Variants in ADARB2 observed in about 807,000 individuals in gnomAD.
ADARB2 encodes the protein adenosine deaminase RNA specific B2 (inactive), also known as inactive double-stranded RNA-specific editase B2.
Under a neutral mutation model 62.2 loss-of-function variants are expected in ADARB2, and 25 were observed. The observed-to-expected ratio is 0.40, with a 90% CI of 0.29 to 0.56. The LOEUF is 0.56. ADARB2 is among the 20% of genes least tolerant of loss of function. ADARB2 has a pLI of 0.43. For missense variants in ADARB2, 1,071 were observed against 1,077.4 expected (o/e 0.99, Z 0.08); for synonymous variants, 572 against 500.8 (o/e 1.14, Z -1.90).
chr10:1,385,665 C>CTTATGTATAATTGGAA (rs1180177002), intron 1 of ADARB2, among the ~76,000 whole-genome samples: 1 of 152,000 alleles, frequency 6.6e-6, no homozygotes, highest in African/African-American at 2.4e-5. Flanking sequence ...AGCAGTCTAA[C>CTTATGTATAATTGGAA]TTATGTATAA....
intron 1 of ADARB2, among the ~76,000 whole-genome samples, chr10:1,514,178 A>ATAT (rs1831976214): frequency 1.1e-5 from 1 of 94,158 alleles, no homozygotes; most frequent in South Asian, 3.9e-4. Context: ...GCTGTCTCAA[A>ATAT]ATATATATAT....
chr10:1,418,363 G>A (rs539712028), intron 1 of ADARB2, among the ~76,000 whole-genome samples: 2 of 152,278 alleles, frequency 1.3e-5, no homozygotes, highest in South Asian at 4.2e-4. Context: ...GCTCTGTCCC[G>A]GGCAGTCCCA....
intron 1 of ADARB2, among the ~76,000 whole-genome samples, chr10:1,415,205 TG>T (rs1214633180): frequency 6.6e-6 from 1 of 150,508 alleles, no homozygotes; most frequent in Non-Finnish European, 1.5e-5. Context: ...AGATGGTGGA[TG>T]GATGGGTGGA....
intron 8 of ADARB2, chr10:1,187,856 G>T (rs1429440405): frequency 2.3e-6 from 1 of 438,822 alleles, no homozygotes; most frequent in South Asian, 1.6e-5. Context: ...ACCAGGGTGT[G>T]GTCCCATGTG....
rs368917605 is a variant in ADARB2 at position 1,229,792 on chromosome 10, TTA to T, written c.1513+3900_1513+3901del. ...CATATGTGCTTCTGTGTACATGTGTTTATGTGTGTGCGTGTACATGTACTTAT... is the reference window on the plus strand; with the variant it reads ...CATATGTGCTTCTGTGTACATGTGTTTGTGTGTGCGTGTACATGTACTTAT... On this transcript the variant is annotated intron_variant, in intron 6 of 9. Coordinates refer to ENST00000381312, the MANE Select transcript of ADARB2 (RefSeq NM_018702.4). 7.3e-3 allele frequency among the ~76,000 whole-genome samples: 318 copies of T among 43,410 alleles called. 1 individual carries two copies. The highest frequency in any genetic ancestry group is 0.017 in the Admixed American group (89 of 5,246). 28.5% of individuals were successfully genotyped at this position (43,410 alleles called of 152,430 possible).
intron 1 of ADARB2, among the ~76,000 whole-genome samples, chr10:1,389,625 C>A (rs1832551896): frequency 6.6e-6 from 1 of 151,970 alleles, no homozygotes; most frequent in Non-Finnish European, 1.5e-5. Flanking sequence ...TACCTATAAT[C>A]CCTGCTACTT....
At chr10:1,494,008 C>G (rs896232315) in intron 1 of ADARB2, among the ~76,000 whole-genome samples, 1 of 151,974 alleles carries the variant, frequency 6.6e-6, no homozygotes, top group African/African-American at 2.4e-5. Context: ...CCTGCCTCGG[C>G]CTCCCAAAGT....
At chr10:1,590,740 C>G (rs1331401634) in intron 1 of ADARB2, among the ~76,000 whole-genome samples, 1 of 152,176 alleles carries the variant, frequency 6.6e-6, no homozygotes, top group Admixed American at 6.5e-5. Flanking sequence ...GTTGCCAGAG[C>G]CGGAGAGTCG....
In ADARB2 at chr10:1,540,737, C is replaced by T. The variant is rs74762624; in HGVS notation, c.101-161577G>A. On this transcript the variant is annotated intron_variant, in intron 1 of 9. Transcript: ENST00000381312. ...TGGATCCGTCCAGATCCCACTCAGACGTAGTTCAGACCCTGGATCACAGCC... is the reference window on the plus strand; with the variant it reads ...TGGATCCGTCCAGATCCCACTCAGATGTAGTTCAGACCCTGGATCACAGCC... Among the ~76,000 whole-genome samples the T allele has an allele frequency of 9.6e-5, 7 of 72,912 alleles. 1 individual carries two copies. The highest frequency in any genetic ancestry group is 1.6e-4 in the Admixed American group (1 of 6,200). The allele number at this position is 72,912 out of a possible 152,430, so 47.8% of individuals were successfully genotyped here. A position where few individuals can be genotyped will look rare whatever the true frequency, so the allele number is the denominator to read the frequency against.
At chr10:1,617,858 C>T (rs1457840509) in intron 1 of ADARB2, among the ~76,000 whole-genome samples, 3 of 152,236 alleles carry the variant, frequency 2.0e-5, no homozygotes, top group African/African-American at 7.2e-5. Flanking sequence ...GAGGGAGGCT[C>T]AAGGGTTAGT....
intron 1 of ADARB2, among the ~76,000 whole-genome samples, chr10:1,672,751 C>A (rs1012112977): frequency 2.3e-4 from 16 of 69,560 alleles, no homozygotes; most frequent in East Asian, 6.9e-4. Context: ...GCCTCCCTCC[C>A]TCCACGCACA....
intron 1 of ADARB2, among the ~76,000 whole-genome samples, chr10:1,465,293 G>A (rs1028254710): frequency 3.3e-5 from 5 of 152,170 alleles, no homozygotes; most frequent in Non-Finnish European, 7.3e-5. Context: ...ATTTGATGGT[G>A]CTTTTCAGCC....
At chr10:1,204,317 C>T (rs1837022738) in intron 7 of ADARB2, among the ~76,000 whole-genome samples, 1 of 152,226 alleles carries the variant, frequency 6.6e-6, no homozygotes, top group South Asian at 2.1e-4. Flanking sequence ...CCAGCATCTG[C>T]ATTCTCAATG....
intron 1 of ADARB2, among the ~76,000 whole-genome samples, chr10:1,461,085 C>A (rs545893080): frequency 1.3e-5 from 2 of 152,208 alleles, no homozygotes; most frequent in Non-Finnish European, 2.9e-5. Context: ...AAGTAGTCAA[C>A]GCAATCAACT....
chr10:1,271,084 C>A lies in ADARB2; in HGVS notation c.1078-15G>T, dbSNP rs2131798929. 3 of 1,607,804 alleles carry A rather than the reference C, an allele frequency of 1.9e-6. No homozygotes were observed. In the East Asian group the frequency reaches 6.7e-5, roughly 36 times the overall value. ...TCTGCGAATTCCTGAAAGACACAAG[C>A]ACAGGCCTCCACGTTGGGCTGAGCA... is the stretch of plus-strand genomic sequence containing the variant. On this transcript the variant is annotated splice_polypyrimidine_tract_variant and intron_variant, in intron 3 of 9. Coordinates refer to ENST00000381312, the MANE Select transcript of ADARB2 (RefSeq NM_018702.4).
At chr10:1,484,162 C>T (rs1477809812) in intron 1 of ADARB2, among the ~76,000 whole-genome samples, 1 of 152,200 alleles carries the variant, frequency 6.6e-6, no homozygotes, top group Non-Finnish European at 1.5e-5. Context: ...TCGATATTTC[C>T]CAGGACAATA....
At chr10:1,446,303 AC>A (rs1830968177) in intron 1 of ADARB2, among the ~76,000 whole-genome samples, 1 of 60,170 alleles carries the variant, frequency 1.7e-5, no homozygotes, top group Admixed American at 2.3e-4. Flanking sequence ...AATTCTGTGA[AC>A]TACCCAAATG....
intron 6 of ADARB2, among the ~76,000 whole-genome samples, chr10:1,226,622 T>C (rs1397143473): frequency 6.6e-6 from 1 of 152,244 alleles, no homozygotes; most frequent in African/African-American, 2.4e-5. Context: ...TAGTTTTCCT[T>C]CTAACAGTCA....
At chr10:1,272,438 C>T (rs1235681313) in intron 3 of ADARB2, among the ~76,000 whole-genome samples, 1 of 152,214 alleles carries the variant, frequency 6.6e-6, no homozygotes, top group Non-Finnish European at 1.5e-5. Flanking sequence ...CCCTGCCTGC[C>T]AGAAGCAAAA....
Sources: allele counts gnomAD v4.1 joint callset (sites outside exome capture counted in the v4.1 genomes callset), GRCh38; gene constraint gnomAD v4.1.1; transcripts MANE v1.5; gene names NCBI Gene and HGNC (gene_info 2026-07-23, HGNC 2026-07-21).